RBPJ: variants seen among roughly 807,000 people sequenced by gnomAD.
RBPJ encodes the protein recombining binding protein suppressor of hairless.
Under a neutral mutation model 67.8 loss-of-function variants are expected in RBPJ, and 9 were observed. The ratio of observed to expected loss-of-function variants is 0.13; its 90% CI spans 0.08 to 0.23. RBPJ has a LOEUF of 0.23. Among genes scored for constraint, RBPJ ranks in the 10% least tolerant of loss-of-function variants. RBPJ has a pLI of 1.00. For synonymous variants in RBPJ, 198 were observed against 203.3 expected (o/e 0.97, Z 0.22); for missense variants, 305 against 595.6 (o/e 0.51, Z 5.08).
chr4:26,236,236 T>C (rs958847787), intron 1 of RBPJ, among the ~76,000 whole-genome samples: 6 of 152,206 alleles, frequency 3.9e-5, no homozygotes, highest in Admixed American at 1.3e-4. Flanking sequence ...CCCTGTGACC[T>C]TCAATAAGCA....
chr4:26,307,334 C>T (rs1025649070), intron 1 of RBPJ, among the ~76,000 whole-genome samples: 3 of 152,174 alleles, frequency 2.0e-5, no homozygotes, highest in African/African-American at 7.2e-5. Context: ...CTTTTGAAAA[C>T]CCTCTATTGC....
intron 1 of RBPJ, among the ~76,000 whole-genome samples, chr4:26,208,771 G>T (rs1472892544): frequency 1.3e-5 from 2 of 152,058 alleles, no homozygotes; most frequent in Non-Finnish European, 2.9e-5. Context: ...ACATTGCTCT[G>T]TACTCTTACA....
Position 26,283,087 on chromosome 4 carries a change from C to T in RBPJ, c.-166-79359C>T, listed in dbSNP as rs187567911. 8.0e-4 allele frequency among the ~76,000 whole-genome samples: 120 copies of T among 149,816 alleles called. No individual in the cohort carries two copies. The East Asian group carries it at 0.019, about 24-fold the overall frequency. On this transcript the variant is annotated intron_variant, in intron 1 of 4. Transcript: ENST00000512351. ...CTGGGATTACAGGCACCTGCCACCA[C>T]GCCCAGCTAATTTTTTTATTTTTAG... is the stretch of plus-strand genomic sequence containing the variant.
the RBPJ span, among the ~76,000 whole-genome samples, chr4:26,132,044 A>G: frequency 6.6e-6 from 1 of 152,180 alleles, no homozygotes; most frequent in East Asian, 1.9e-4. Context: ...ACTGGTCTAG[A>G]CTGGCTGTCT....
chr4:26,298,147 T>C (rs1280792141), intron 1 of RBPJ, among the ~76,000 whole-genome samples: 1 of 152,184 alleles, frequency 6.6e-6, no homozygotes, highest in Non-Finnish European at 1.5e-5. Flanking sequence ...GAAAATAGCA[T>C]GCTTTCCCTC....
intron 1 of RBPJ, among the ~76,000 whole-genome samples, chr4:26,218,599 G>GCTGTC (rs1296009130): frequency 7.9e-5 from 12 of 152,308 alleles, no homozygotes; most frequent in South Asian, 2.1e-4. Context: ...TGTGGCTGTG[G>GCTGTC]CTGTCGCTGT....
At chr4:26,368,673 A>G (rs1284372173) in intron 1 of RBPJ, among the ~76,000 whole-genome samples, 1 of 152,196 alleles carries the variant, frequency 6.6e-6, no homozygotes, top group African/African-American at 2.4e-5. Flanking sequence ...ATGGCACCCA[A>G]GGGTGGTGAG....
At chr4:26,155,705 G>A in the RBPJ span, among the ~76,000 whole-genome samples, 2 of 152,274 alleles carry the variant, frequency 1.3e-5, no homozygotes, top group South Asian at 4.1e-4. Context: ...AAAGTGCTGG[G>A]ATTGCAGGTG....
chr4:26,375,329 TGAGATACGC>T (rs1410801733), intron 1 of RBPJ, among the ~76,000 whole-genome samples: 1 of 151,116 alleles, frequency 6.6e-6, no homozygotes, highest in Non-Finnish European at 1.5e-5. Flanking sequence ...GGGTATGATG[TGAGATACGC>T]ATGCAAAGTA....
chr4:26,215,410 AGG>A (rs1718687794), intron 1 of RBPJ, among the ~76,000 whole-genome samples: 1 of 12,048 alleles, frequency 8.3e-5, no homozygotes, highest in African/African-American at 4.3e-4. Context: ...AGGGGGGGGA[AGG>A]AAGGAAGGGA....
intron 1 of RBPJ, among the ~76,000 whole-genome samples, chr4:26,224,658 C>A (rs1577491450): frequency 2.1e-5 from 3 of 139,706 alleles, no homozygotes; most frequent in Middle Eastern, 4.1e-3. Context: ...GCACCCTGCC[C>A]AGAACAGAAC....
Position 26,191,318 on chromosome 4 carries a change from T to A in RBPJ, c.-167+27704T>A, listed in dbSNP as rs932312650. Among the ~76,000 whole-genome samples, 10 of 149,964 alleles carry A rather than the reference T, an allele frequency of 6.7e-5. 1 individual carries two copies. Among genetic ancestry groups the A allele is most frequent in the Admixed American group, 6.0e-4 (9 of 14,926 alleles). The stretch of plus-strand genomic sequence containing the variant: ...CTCAAGGATGATTTTTTGATTTTTT[T>A]ATATATATACAGACTCCTCTACTAC... On this transcript the variant is annotated intron_variant, in intron 1 of 4. Transcript: ENST00000512351.
chr4:26,429,787 T>C (rs915539603), intron 8 of RBPJ, 111 bp from the exon 9 acceptor site: 36 of 866,712 alleles, frequency 4.2e-5, no homozygotes, highest in Non-Finnish European at 5.8e-5. Context: ...TATAAGTTTT[T>C]ACTGAGTTAT....
At chr4:26,203,028 G>GAAAGA (rs1169712330) in intron 1 of RBPJ, among the ~76,000 whole-genome samples, 1 of 150,914 alleles carries the variant, frequency 6.6e-6, no homozygotes, top group African/African-American at 2.5e-5. Context: ...GAAAAGAGAA[G>GAAAGA]AAAGAAAAGA....
chr4:26,407,071 CCA>C (rs1733492735), intron 3 of RBPJ, among the ~76,000 whole-genome samples: 2 of 152,164 alleles, frequency 1.3e-5, no homozygotes, highest in Admixed American at 6.5e-5. Flanking sequence ...ATGAAATAAT[CCA>C]CAGTTTTTCT....
chr4:26,219,552 G>A (rs982150722), intron 1 of RBPJ, among the ~76,000 whole-genome samples: 3 of 152,174 alleles, frequency 2.0e-5, no homozygotes, highest in African/African-American at 7.2e-5. Context: ...CAAGAACTGA[G>A]TCGAGCATCC....
rs1719850754 is a variant in RBPJ at position 26,244,449 on chromosome 4, A to ATATGTATG, written c.-167+80835_-167+80836insTATGTATG. ...TATATATGTATACATATGTGTGTAT[A>ATATGTATG]CATATATGTGTGTATATATGTATAC... On this transcript the variant is annotated intron_variant, in intron 1 of 4. Coordinates refer to the RBPJ transcript ENST00000512351. 2.3e-4 allele frequency among the ~76,000 whole-genome samples: 18 copies of ATATGTATG among 79,926 alleles called. 1 individual carries two copies. Among genetic ancestry groups the ATATGTATG allele is most frequent in the South Asian group, 4.3e-4 (1 of 2,350 alleles). The allele number at this position is 79,926 out of a possible 152,430, so 52.4% of individuals were successfully genotyped here.
intron 1 of RBPJ, among the ~76,000 whole-genome samples, chr4:26,192,176 T>C (rs1042353940): frequency 1.3e-5 from 2 of 151,914 alleles, no homozygotes; most frequent in African/African-American, 4.8e-5. Flanking sequence ...CCCGGCTACT[T>C]TTTGTGTTTT....
intron 5 of RBPJ, 95 bp downstream of exon 5, chr4:26,420,820 TAATTC>T: frequency 1.0e-6 from 1 of 971,088 alleles, no homozygotes; most frequent in Non-Finnish European, 1.5e-6. Context: ...AATAGCCAAT[TAATTC>T]TTTACTAATA....
Sources: gnomAD v4.1 joint callset for allele counts (sites outside exome capture counted in the v4.1 genomes callset) on GRCh38, gnomAD v4.1.1 for gene constraint, MANE v1.5 for transcripts, NCBI Gene and HGNC (gene_info 2026-07-23, HGNC 2026-07-21) for gene names.